Variants in PRSS58 observed in about 807,000 individuals in gnomAD.
The protein encoded by PRSS58 is serine protease 58.
A neutral mutation model predicts 25.0 loss-of-function variants in PRSS58; 31 were observed. The ratio of observed to expected loss-of-function variants is 1.24; its 90% CI spans 0.93 to 1.67. The LOEUF is 1.67. Among genes scored for constraint, PRSS58 ranks in the 40% most tolerant of loss-of-function variants. PRSS58 has a pLI of 0.00. For missense variants in PRSS58, 324 were observed against 287.9 expected (o/e 1.13, Z -0.91); for synonymous variants, 119 against 106.1 (o/e 1.12, Z -0.75).
At chr7:142,254,971 A>G (rs1385451480) in intron 4 of PRSS58, 84 bp downstream of exon 4, 9 of 1,346,642 alleles carry the variant, frequency 6.7e-6, no homozygotes, top group African/African-American at 2.9e-5. Flanking sequence ...AGAAAGCTTC[A>G]CTAGGCCGAA....
chr7:142,252,323 G>T lies in PRSS58; in HGVS notation c.624C>A (p.Ile208=). 1 of 1,614,118 alleles carries T rather than the reference G, an allele frequency of 6.2e-7. No individual in the cohort carries two copies. Among genetic ancestry groups the T allele is most frequent in the Non-Finnish European group, 8.5e-7 (1 of 1,180,022 alleles). Residue 208 remains isoleucine, a synonymous_variant, in exon 6 of 6, where the codon ATC becomes ATA. Transcript: ENST00000547058. ...PAICNGMLQG[I]LSFADGCVLR... is the part of the protein sequence containing the mutation. ...AAACACATCCATCCGCAAAAGACAGGATTCCTTGAAGCATCCCATTGCAGA... is the reference window on the plus strand; with the variant it reads ...AAACACATCCATCCGCAAAAGACAGTATTCCTTGAAGCATCCCATTGCAGA...
rs778294511 is a variant in PRSS58, at chr7:142,252,475, G to A, written c.573C>T (p.Cys191=). 20 of 1,613,624 alleles carry A rather than the reference G, an allele frequency of 1.2e-5. No homozygotes were observed. The South Asian group carries it at 1.9e-4, about 15-fold the overall frequency. The change falls in exon 5 of 6, where the codon TGC becomes TGT. Residue 191 remains cysteine, a synonymous_variant. Coordinates refer to ENST00000547058, the MANE Select transcript of PRSS58 (RefSeq NM_001001317.5). ...TAATGGATGAAGAGTATTTTACCTT[G>A]CAGGGCTGCCTCCTTCCTGGCACAA... The part of the protein sequence containing the change: ...VGIVPGRRQP[C]KEVSAAPAIC...
At chr7:142,255,782 C>T in intron 2 of PRSS58, 109 bp from the exon 3 acceptor site, 1 of 859,832 alleles carries the variant, frequency 1.2e-6, no homozygotes, top group Admixed American at 3.1e-5. Flanking sequence ...TTTTCTCTAG[C>T]AACTTTATCT....
chr7:142,252,500 A>G lies in PRSS58; in HGVS notation c.548T>C (p.Ile183Thr). Residue 183 changes from isoleucine (I) to threonine (T), a missense_variant, in exon 5 of 6, where the codon ATT becomes ACT. Ile to Thr is a moderately conservative substitution (Grantham distance 89, BLOSUM62 -1). Transcript: ENST00000547058. ...NITENMLCVG[I>T]VPGRRQPCKE... is the part of the protein sequence containing the mutation. Reference sequence around the variant, plus strand: ...GCAGGGCTGCCTCCTTCCTGGCACAATGCCCACACACAGCATATTTTCCGT... The same window carrying G: ...GCAGGGCTGCCTCCTTCCTGGCACAGTGCCCACACACAGCATATTTTCCGT... The G allele has an allele frequency of 2.5e-6, 4 of 1,614,114 alleles. No individual in the cohort carries two copies. The highest frequency in any genetic ancestry group is 3.4e-6 in the Non-Finnish European group (4 of 1,180,000).
chr7:142,256,013 T>C (rs923507169), intron 2 of PRSS58, among the ~76,000 whole-genome samples: 2 of 152,228 alleles, frequency 1.3e-5, no homozygotes, highest in Non-Finnish European at 2.9e-5. Flanking sequence ...TCAATAAGTC[T>C]TAAGGCATTC....
chr7:142,254,752 G>A (rs1798524180), intron 4 of PRSS58, among the ~76,000 whole-genome samples: 1 of 152,156 alleles, frequency 6.6e-6, no homozygotes, highest in Admixed American at 6.5e-5. Context: ...TAGAGTTAAG[G>A]AAATTGAGGC....
At chr7:142,254,778 C>T (rs1798524590) in intron 4 of PRSS58, among the ~76,000 whole-genome samples, 2 of 152,130 alleles carry the variant, frequency 1.3e-5, no homozygotes, top group South Asian at 2.1e-4. Context: ...GGTAAAATGA[C>T]CTGCTGTCAC....
At chr7:142,257,463 C>T (rs1261186903) in intron 2 of PRSS58, among the ~76,000 whole-genome samples, 1 of 152,132 alleles carries the variant, frequency 6.6e-6, no homozygotes. Flanking sequence ...CCACGCCTCC[C>T]ACAAAAGCAC....
Position 142,255,526 on chromosome 7 carries a change from A to G in PRSS58, c.179+9T>C, listed in dbSNP as rs751722731. Reference sequence around the variant, plus strand: ...AAGAATGGAGTGCCTTTGAAGGCTTATCACTCACGGTAAATTGCAGTGTGC... The same window carrying G: ...AAGAATGGAGTGCCTTTGAAGGCTTGTCACTCACGGTAAATTGCAGTGTGC... On this transcript the variant is annotated intron_variant, in intron 3 of 5. Transcript: ENST00000547058. 23 of 1,613,956 alleles carry G rather than the reference A, an allele frequency of 1.4e-5. No homozygotes were observed. In the Admixed American group the frequency reaches 2.5e-4, roughly 18 times the overall value.
In PRSS58 at chr7:142,252,350, T is replaced by G. The variant is rs1798481801; in HGVS notation, c.597A>C (p.Ala199=). Residue 199 remains alanine (A), a synonymous_variant, in exon 6 of 6, where the codon GCA becomes GCC. Transcript: ENST00000547058. ...TTCCTTGAAGCATCCCATTGCAGATTGCCGGGGCAGCAGAAACTTCCTGCC... is the reference window on the plus strand; with the variant it reads ...TTCCTTGAAGCATCCCATTGCAGATGGCCGGGGCAGCAGAAACTTCCTGCC... The part of the protein sequence containing the change: ...QPCKEVSAAP[A]ICNGMLQGIL... The G allele has an allele frequency of 6.2e-7, 1 of 1,613,632 alleles. No individual in the cohort carries two copies. Among genetic ancestry groups the G allele is most frequent in the African/African-American group, 1.3e-5 (1 of 74,932 alleles).
At chr7:142,257,141 T>C (rs1355248831) in intron 2 of PRSS58, among the ~76,000 whole-genome samples, 1 of 152,190 alleles carries the variant, frequency 6.6e-6, no homozygotes, top group East Asian at 1.9e-4. Flanking sequence ...GTTAGGAGAA[T>C]AATTTGCTAA....
chr7:142,254,077 G>A (rs983537), intron 4 of PRSS58, among the ~76,000 whole-genome samples: 33,822 of 151,974 alleles, frequency 0.22, 4,612 homozygotes, highest in East Asian at 0.51. Context: ...TAATCTGACA[G>A]GTTTGTTTCA....
chr7:142,255,175 T>C lies in PRSS58; in HGVS notation c.316A>G (p.Lys106Glu). 1 of 1,614,152 alleles carries C rather than the reference T, an allele frequency of 6.2e-7. No individual in the cohort carries two copies. Residue 106 changes from lysine to glutamate, a missense_variant, in exon 4 of 6, where the codon AAG (lysine) becomes GAG (glutamate). Physicochemically the swap from Lys to Glu is moderately conservative, Grantham distance 56. Coordinates refer to ENST00000547058, the MANE Select transcript of PRSS58 (RefSeq NM_001001317.5). ...TSIDHDIMLIKLKTEAELNDY... is the reference protein window; with the variant it reads ...TSIDHDIMLIELKTEAELNDY... The stretch of plus-strand genomic sequence containing the variant: ...TTGAGTTCAGCCTCTGTTTTCAGCT[T>C]GATTAGCATGATGTCATGATCAATA...
chr7:142,255,747 T>A, intron 2 of PRSS58, 74 bp from the exon 3 acceptor site: 1 of 1,377,006 alleles, frequency 7.3e-7, no homozygotes, highest in Non-Finnish European at 9.9e-7. Context: ...GAAAGTCATT[T>A]AATAGGCTCC....
At position 142,252,473 on chromosome 7, in the gene PRSS58, T is replaced by C. The variant is rs772622142; in HGVS notation, c.575A>G (p.Lys192Arg). The C allele has an allele frequency of 3.7e-6, 6 of 1,613,780 alleles. No individual in the cohort carries two copies. The South Asian group carries it at 6.6e-5, about 18-fold the overall frequency. Residue 192 changes from lysine (K) to arginine (R), a missense_variant and splice_region_variant, in exon 5 of 6, where the codon AAG (lysine) becomes AGG (arginine). Coordinates refer to ENST00000547058, the MANE Select transcript of PRSS58 (RefSeq NM_001001317.5). ...GIVPGRRQPC[K>R]EVSAAPAICN... ...ATTAATGGATGAAGAGTATTTTACC[T>C]TGCAGGGCTGCCTCCTTCCTGGCAC...
rs1216311186 is a variant in PRSS58 at position 142,255,157 on chromosome 7, C to G, written c.334G>C (p.Glu112Gln). ...IMLIKLKTEA[E>Q]LNDYVKLANL... ...GCTAATTTCACATAGTCATTGAGTT[C>G]AGCCTCTGTTTTCAGCTTGATTAGC... Residue 112 changes from glutamate to glutamine, a missense_variant, in exon 4 of 6, where the codon GAA (glutamate) becomes CAA (glutamine). Physicochemically the swap from Glu to Gln is conservative, Grantham distance 29. Transcript: ENST00000547058. 1.9e-6 allele frequency: 3 copies of G among 1,614,076 alleles called. No homozygotes were observed. Among genetic ancestry groups the G allele is most frequent in the Non-Finnish European group, 2.5e-6 (3 of 1,179,976 alleles).
chr7:142,257,788 A>C (rs1474076090), intron 1 of PRSS58, 40 bp from the exon 2 acceptor site: 1 of 1,131,726 alleles, frequency 8.8e-7, no homozygotes, highest in Non-Finnish European at 1.3e-6. Context: ...AAAACAAAGC[A>C]AGATTGTAGA....
chr7:142,255,404 T>C, intron 3 of PRSS58, 93 bp from the exon 4 acceptor site: 2 of 1,576,348 alleles, frequency 1.3e-6, no homozygotes, highest in African/African-American at 1.4e-5. Flanking sequence ...GACCTTTTTC[T>C]GTACCCTCGT....
At position 142,255,296 on chromosome 7, in the gene PRSS58, T is replaced by C; in HGVS notation, c.195A>G (p.Ile65Met). 1 of 1,613,766 alleles carries C rather than the reference T, an allele frequency of 6.2e-7. No homozygotes were observed. The highest frequency in any genetic ancestry group is 8.5e-7 in the Non-Finnish European group (1 of 1,179,766). The change falls in exon 4 of 6, where the codon ATA (isoleucine) becomes ATG (methionine). Residue 65 changes from isoleucine (I) to methionine (M), a missense_variant. Transcript: ENST00000547058. ...AHCNLPKLRV[I>M]LGVTIPADSN... is the part of the protein sequence containing the mutation. ...AGTCTGCTGGGATTGTAACCCCCAA[T>C]ATCACCCGAAGCTTTCTGGAACAAT...
Sources: gnomAD v4.1 joint callset for allele counts (sites outside exome capture counted in the v4.1 genomes callset) on GRCh38, gnomAD v4.1.1 for gene constraint, MANE v1.5 for transcripts, NCBI Gene and HGNC (gene_info 2026-07-23, HGNC 2026-07-21) for gene names.